CYSLTR1: variants seen among roughly 807,000 people sequenced by gnomAD.
CYSLTR1 encodes the protein G-protein coupled receptor HG55.
In CYSLTR1, 1 loss-of-function variant was observed where a neutral mutation model predicts 2.1. That is an observed-to-expected ratio of 0.48 (90% CI 0.17 to 2.28). The LOEUF (loss-of-function observed/expected upper bound fraction) is 2.28. CYSLTR1 is among the 30% of genes most tolerant of loss of function. The probability of loss-of-function intolerance (pLI) is 0.26; values close to 1 mark genes in which losing one functional copy is unlikely to be tolerated. For synonymous variants in CYSLTR1, 110 were observed against 89.6 expected (o/e 1.23, Z -1.28); for missense variants, 299 against 250.1 (o/e 1.20, Z -1.32).
intron 1 of CYSLTR1, among the ~76,000 whole-genome samples, chrX:78,284,437 G>A (rs1043840749): frequency 3.6e-5 from 4 of 110,771 alleles, no homozygotes; most frequent in African/African-American, 1.3e-4. Flanking sequence ...CTCTGCCCAG[G>A]CTGGAGTGGC....
chrX:78,325,013 T>G (rs1239195427), intron 1 of CYSLTR1, among the ~76,000 whole-genome samples: 3 of 112,510 alleles, frequency 2.7e-5, no homozygotes, highest in Non-Finnish European at 3.7e-5. Flanking sequence ...TGGGATATTG[T>G]GTTGCATTCA....
chrX:78,276,395 T>C (rs1216270821), intron 2 of CYSLTR1, among the ~76,000 whole-genome samples: 1 of 111,384 alleles, frequency 9.0e-6, no homozygotes, highest in African/African-American at 3.3e-5. Context: ...CCTGCTCCCT[T>C]GTAAGAGACG....
rs1236851779 is a variant in CYSLTR1 at position 78,315,928 on chromosome X, G to C, written c.-115+11377C>G. Among the ~76,000 whole-genome samples the C allele has an allele frequency of 9.8e-5, 11 of 112,145 alleles. No homozygotes were observed. In the Admixed American group the frequency reaches 1.0e-3, roughly 11 times the overall value. Reference sequence around the variant, plus strand: ...TGAGTAAACATAGACAGTAGCCAGGGAGTGGTTACAGCAGGCCTGGGGTGA... The same window carrying C: ...TGAGTAAACATAGACAGTAGCCAGGCAGTGGTTACAGCAGGCCTGGGGTGA... On this transcript the variant is annotated intron_variant, in intron 1 of 2. Coordinates refer to ENST00000373304, the MANE Select transcript of CYSLTR1 (RefSeq NM_006639.4).
intron 1 of CYSLTR1, among the ~76,000 whole-genome samples, chrX:78,313,352 C>T (rs1442743438): frequency 9.0e-6 from 1 of 110,605 alleles, no homozygotes; most frequent in African/African-American, 3.3e-5. Flanking sequence ...GAAAAAATAC[C>T]TATTGGGTAC....
intron 2 of CYSLTR1, among the ~76,000 whole-genome samples, chrX:78,278,162 G>T (rs1921681773): frequency 8.9e-6 from 1 of 111,947 alleles, no homozygotes; most frequent in South Asian, 3.7e-4. Context: ...ATAGACCAAG[G>T]TGAGGAAAAA....
chrX:78,309,616 A>AT (rs1247453200), intron 1 of CYSLTR1, among the ~76,000 whole-genome samples: 7 of 111,697 alleles, frequency 6.3e-5, no homozygotes, highest in Admixed American at 1.9e-4. Context: ...TGAACAGGTA[A>AT]TAAAAAGGGG....
intron 1 of CYSLTR1, among the ~76,000 whole-genome samples, chrX:78,295,546 C>T (rs1448022027): frequency 1.8e-5 from 2 of 111,081 alleles, no homozygotes; most frequent in Non-Finnish European, 3.8e-5. Context: ...CACATTCTCA[C>T]CAGCATTTGT....
intron 1 of CYSLTR1, among the ~76,000 whole-genome samples, chrX:78,303,274 C>T (rs987263711): frequency 1.4e-4 from 16 of 111,650 alleles, no homozygotes; most frequent in African/African-American, 5.2e-4. Flanking sequence ...ACTCTCTGCA[C>T]CATGCTGCCA....
chrX:78,291,998 T>C (rs1359804943), intron 1 of CYSLTR1, among the ~76,000 whole-genome samples: 1 of 111,462 alleles, frequency 9.0e-6, no homozygotes, highest in Admixed American at 9.5e-5. Flanking sequence ...TAGTTATTTC[T>C]TGCCTTCTGC....
At chrX:78,316,296 G>A (rs982625265) in intron 1 of CYSLTR1, among the ~76,000 whole-genome samples, 2 of 112,070 alleles carry the variant, frequency 1.8e-5, no homozygotes, top group East Asian at 2.8e-4. Context: ...GGTGTAAGAA[G>A]TTTCCAACTG....
In CYSLTR1 at chrX:78,320,880, A is replaced by G. The variant is rs753678816; in HGVS notation, c.-115+6425T>C. On this transcript the variant is annotated intron_variant, in intron 1 of 2. Transcript: ENST00000373304. ...TTTATTCTCTTTGAAGCAATTGTGA[A>G]TGGGAGTTCACTCATGATTTGGCTC... 1.6e-4 allele frequency: 18 copies of G among 111,519 alleles called. 1 individual carries two copies. In the South Asian group the frequency reaches 6.0e-3, roughly 37 times the overall value. The allele number at this position is 111,519 out of a possible 1,213,427, so 9.2% of individuals were successfully genotyped here.
chrX:78,291,548 T>C (rs916280011), intron 1 of CYSLTR1, among the ~76,000 whole-genome samples: 1 of 111,703 alleles, frequency 9.0e-6, no homozygotes, highest in Non-Finnish European at 1.9e-5. Context: ...TACCAGCTCC[T>C]GTTTTTGTCT....
intron 1 of CYSLTR1, among the ~76,000 whole-genome samples, chrX:78,296,718 A>G (rs1922590556): frequency 9.0e-6 from 1 of 111,404 alleles, no homozygotes; most frequent in Non-Finnish European, 1.9e-5. Context: ...TAGAAATGCT[A>G]CTGATTTTTG....
intron 1 of CYSLTR1, among the ~76,000 whole-genome samples, chrX:78,324,486 G>C (rs1923792936): frequency 9.0e-6 from 1 of 111,583 alleles, no homozygotes; most frequent in Non-Finnish European, 1.9e-5. Flanking sequence ...TCCTGCCTCA[G>C]CCTCTCGAGT....
chrX:78,273,013 C>G lies in CYSLTR1; in HGVS notation c.734G>C (p.Ser245Thr), dbSNP rs148732852. ...IMVVTAAFLVSFMPYHIQRTI... is the reference protein window; with the variant it reads ...IMVVTAAFLVTFMPYHIQRTI... ...ACGTTGAATATGATATGGCATGAAA[C>G]TGACTAAAAAGGCAGCGGTCACGAC... Residue 245 changes from serine (S) to threonine (T), a missense_variant, in exon 3 of 3, where the codon AGT (serine) becomes ACT (threonine). Ser to Thr is a moderately conservative substitution (Grantham distance 58). Coordinates refer to ENST00000373304, the MANE Select transcript of CYSLTR1 (RefSeq NM_006639.4). 93 of 1,209,760 alleles carry G rather than the reference C, an allele frequency of 7.7e-5. No homozygotes were observed. Among genetic ancestry groups the G allele is most frequent in the Admixed American group, 1.3e-4 (6 of 45,628 alleles).
At chrX:78,322,528 T>C (rs1603412664) in intron 1 of CYSLTR1, among the ~76,000 whole-genome samples, 1 of 111,876 alleles carries the variant, frequency 8.9e-6, no homozygotes, top group African/African-American at 3.3e-5. Context: ...AAGCTACTCA[T>C]CCTCTATGGA....
chrX:78,273,868 T>A, intron 2 of CYSLTR1, 95 bp from the exon 3 acceptor site: 1 of 761,846 alleles, frequency 1.3e-6, no homozygotes. Context: ...GTATACTTTT[T>A]GACCACAGCA....
intron 1 of CYSLTR1, among the ~76,000 whole-genome samples, chrX:78,291,278 G>C (rs147122094): frequency 0.023 from 2,619 of 111,583 alleles, 45 homozygotes; most frequent in Middle Eastern, 0.041. Flanking sequence ...TGCATATGTC[G>C]AACCAGCCTT....
intron 1 of CYSLTR1, among the ~76,000 whole-genome samples, chrX:78,294,683 A>T (rs1922501749): frequency 8.9e-6 from 1 of 112,489 alleles, no homozygotes; most frequent in Non-Finnish European, 1.9e-5. Context: ...ATGCCTCAGC[A>T]ATGGTGGATG....
Sources: allele counts gnomAD v4.1 joint callset (sites outside exome capture counted in the v4.1 genomes callset), GRCh38; gene constraint gnomAD v4.1.1; transcripts MANE v1.5; gene names NCBI Gene and HGNC (gene_info 2026-07-23, HGNC 2026-07-21).